Variants in STX6 observed in about 807,000 individuals in gnomAD.
STX6 encodes the protein syntaxin-6.
STX6 carries 23 observed loss-of-function variants against 38.0 expected under a neutral mutation model. The observed-to-expected ratio is 0.60, with a 90% CI of 0.43 to 0.86. STX6 has a LOEUF of 0.86. Among genes scored for constraint, STX6 ranks in the 40% least tolerant of loss-of-function variants. The pLI, the probability that STX6 is intolerant of heterozygous loss-of-function variation, is 0.00. For synonymous variants in STX6, 123 were observed against 107.5 expected, an observed-to-expected ratio of 1.14 and a Z score of -0.89; for missense variants, 274 against 312.9, an observed-to-expected ratio of 0.88 and a Z score of 0.94.
rs1052084479 is a variant in STX6, at chr1:180,972,832, G to C, written c.*3738C>G. 1 of 213,830 alleles carries C rather than the reference G, an allele frequency of 4.7e-6. No homozygotes were observed. Among genetic ancestry groups the C allele is most frequent in the East Asian group, 1.4e-4 (1 of 7,386 alleles). 13.2% of individuals were successfully genotyped at this position (213,830 alleles called of 1,614,324 possible). ...TTACTCTGATCGGAGCTACTGAAAG[G>C]TACCTGCTTTCAGCAAATTCTGGTT... On this transcript the variant is annotated 3_prime_UTR_variant, in exon 8 of 8. Transcript: ENST00000258301.
At chr1:181,005,593 CACAG>C in intron 1 of STX6, 130 bp from the exon 2 acceptor site, 1 of 808,360 alleles carries the variant, frequency 1.2e-6, no homozygotes, top group Non-Finnish European at 1.9e-6. Flanking sequence ...GAAGGCTCTT[CACAG>C]ACAAATATCA....
At chr1:180,984,070 A>AC (rs1348352394) in intron 7 of STX6, among the ~76,000 whole-genome samples, 7 of 146,686 alleles carry the variant, frequency 4.8e-5, no homozygotes, top group African/African-American at 1.5e-4. Context: ...TCTCAAAAAA[A>AC]AAAAAAAAAA....
rs1250539394 is a variant in STX6, at chr1:180,974,642, G to A, written c.*1928C>T. On this transcript the variant is annotated 3_prime_UTR_variant, in exon 8 of 8. Transcript: ENST00000258301. Reference sequence around the variant, plus strand: ...CTTATAATGTGTTGTGTGGATTACAGTACTTAGACAAGGTTCACATTTACT... The same window carrying A: ...CTTATAATGTGTTGTGTGGATTACAATACTTAGACAAGGTTCACATTTACT... 1.3e-5 allele frequency: 2 copies of A among 152,596 alleles called. No homozygotes were observed. The highest frequency in any genetic ancestry group is 1.9e-4 in the East Asian group (1 of 5,194). The allele number at this position is 152,596 out of a possible 1,614,324, so 9.5% of individuals were successfully genotyped here.
In STX6 at chr1:180,973,225, T is replaced by C. The variant is rs2102294545; in HGVS notation, c.*3345A>G. ...CAATTTTGTTTTGTTTACAAATTCA[T>C]CTTGCAGTACAAGGTGAAGCCAAAT... On this transcript the variant is annotated 3_prime_UTR_variant, in exon 8 of 8. Coordinates refer to ENST00000258301, the MANE Select transcript of STX6 (RefSeq NM_005819.6). The C allele has an allele frequency of 6.6e-6, 1 of 152,382 alleles. No homozygotes were observed. 9.4% of individuals were successfully genotyped at this position (152,382 alleles called of 1,614,324 possible).
At chr1:181,011,253 C>T (rs1188552768) in intron 1 of STX6, among the ~76,000 whole-genome samples, 1 of 152,202 alleles carries the variant, frequency 6.6e-6, no homozygotes. Flanking sequence ...AAGGTGGAAA[C>T]TGCCAGCAAT....
At chr1:180,981,613 C>G (rs1245594780) in intron 7 of STX6, among the ~76,000 whole-genome samples, 1 of 152,176 alleles carries the variant, frequency 6.6e-6, no homozygotes, top group Non-Finnish European at 1.5e-5. Flanking sequence ...ATCACCTTCT[C>G]TTCCACAACT....
chr1:181,016,804 A>C (rs532161216), intron 1 of STX6, among the ~76,000 whole-genome samples: 43 of 152,344 alleles, frequency 2.8e-4, no homozygotes, highest in African/African-American at 1.0e-3. Context: ...AACTGTTATC[A>C]TGCTGGGTGC....
At chr1:181,008,694 G>A (rs889970442) in intron 1 of STX6, among the ~76,000 whole-genome samples, 1 of 144,710 alleles carries the variant, frequency 6.9e-6, no homozygotes, top group Non-Finnish European at 1.5e-5. Context: ...AAATCTGTAA[G>A]AGCATAGTAG....
At chr1:180,986,311 A>C (rs751201914) in intron 6 of STX6, among the ~76,000 whole-genome samples, 2 of 108,526 alleles carry the variant, frequency 1.8e-5, no homozygotes, top group African/African-American at 6.1e-5. Flanking sequence ...TGTTGTATTT[A>C]GTTTAATATA....
In STX6 at chr1:180,990,053, A is replaced by G. The variant is rs36085787; in HGVS notation, c.420T>C (p.Tyr140=). Residue 140 remains tyrosine, a synonymous_variant, in exon 5 of 8, where the codon TAT becomes TAC. Transcript: ENST00000258301. The part of the protein sequence containing the change: ...QNWSTGTTDK[Y]GRLDRELQRA... ...TCTGGAGCTCTCGGTCCAGACGCCC[A>G]TATTTATCTGTTGTTCCAGTGCTCC... 7.0e-4 allele frequency: 1,123 copies of G among 1,614,094 alleles called. 13 individuals carry two copies. The African/African-American group carries it at 0.013, about 19-fold the overall frequency.
rs549153669 is a variant in STX6, at chr1:180,985,617, A to T, written c.597-846T>A. Reference sequence around the variant, plus strand: ...AGAAACCAGTATTTCCCACTAGGAAAACTGACTCCAGCAGGCTTACACTAT... The same window carrying T: ...AGAAACCAGTATTTCCCACTAGGAATACTGACTCCAGCAGGCTTACACTAT... On this transcript the variant is annotated intron_variant, in intron 6 of 7. Transcript: ENST00000258301. Among the ~76,000 whole-genome samples, 10 of 152,364 alleles carry T rather than the reference A, an allele frequency of 6.6e-5. No homozygotes were observed. In the South Asian group the frequency reaches 1.9e-3, roughly 28 times the overall value.
intron 3 of STX6, among the ~76,000 whole-genome samples, chr1:180,998,869 C>G (rs1655991898): frequency 6.6e-6 from 1 of 152,212 alleles, no homozygotes; most frequent in Non-Finnish European, 1.5e-5. Context: ...TTAGAACCAG[C>G]AGTCAAGCAA....
chr1:180,983,820 T>C (rs914030027), intron 7 of STX6, among the ~76,000 whole-genome samples: 1 of 151,978 alleles, frequency 6.6e-6, no homozygotes, highest in African/African-American at 2.4e-5. Flanking sequence ...ATCCCAGCAC[T>C]TTGGGAGGCC....
Position 181,002,592 on chromosome 1 carries a change from A to T in STX6, c.300+14T>A. ...TTTCTTATACAGATAACACAATAAGATCATATTCCTTACCCTGACAACTTG... is the reference window on the plus strand; with the variant it reads ...TTTCTTATACAGATAACACAATAAGTTCATATTCCTTACCCTGACAACTTG... On this transcript the variant is annotated intron_variant, in intron 3 of 7. Transcript: ENST00000258301. 1 of 1,580,176 alleles carries T rather than the reference A, an allele frequency of 6.3e-7. No individual in the cohort carries two copies. Among genetic ancestry groups the T allele is most frequent in the Non-Finnish European group, 8.7e-7 (1 of 1,149,802 alleles).
intron 1 of STX6, among the ~76,000 whole-genome samples, chr1:181,013,211 A>G (rs960805329): frequency 3.3e-5 from 5 of 152,172 alleles, no homozygotes; most frequent in African/African-American, 1.2e-4. Flanking sequence ...AAGTTTGCCA[A>G]GTAAAATGAG....
In STX6 at chr1:181,021,766, C is replaced by G. The variant is rs1225496606; in HGVS notation, c.35+873G>C. Reference sequence around the variant, plus strand: ...AAGACTCTATCTCCAAAGAAACAATCGAGCAATCAAAGATGAGCTAGGATA... The same window carrying G: ...AAGACTCTATCTCCAAAGAAACAATGGAGCAATCAAAGATGAGCTAGGATA... On this transcript the variant is annotated intron_variant, in intron 1 of 7. Coordinates refer to ENST00000258301, the MANE Select transcript of STX6 (RefSeq NM_005819.6). Among the ~76,000 whole-genome samples, 3 of 152,294 alleles carry G rather than the reference C, an allele frequency of 2.0e-5. No individual in the cohort carries two copies. In the East Asian group the frequency reaches 5.8e-4, roughly 29 times the overall value.
At chr1:180,994,851 AATG>A (rs1655856536) in intron 3 of STX6, among the ~76,000 whole-genome samples, 1 of 152,232 alleles carries the variant, frequency 6.6e-6, no homozygotes, top group Non-Finnish European at 1.5e-5. Flanking sequence ...AAATGTTTAA[AATG>A]ATGGATATTC....
chr1:181,002,603 T>C lies in STX6; in HGVS notation c.300+3A>G. On this transcript the variant is annotated splice_donor_region_variant and intron_variant, in intron 3 of 7. Coordinates refer to ENST00000258301, the MANE Select transcript of STX6 (RefSeq NM_005819.6). Reference sequence around the variant, plus strand: ...GATAACACAATAAGATCATATTCCTTACCCTGACAACTTGCCGAGTACTTG... The same window carrying C: ...GATAACACAATAAGATCATATTCCTCACCCTGACAACTTGCCGAGTACTTG... 4 of 1,602,618 alleles carry C rather than the reference T, an allele frequency of 2.5e-6. No homozygotes were observed. The highest frequency in any genetic ancestry group is 2.6e-6 in the Non-Finnish European group (3 of 1,169,756).
At chr1:181,011,870 A>C (rs1030559560) in intron 1 of STX6, among the ~76,000 whole-genome samples, 5 of 152,198 alleles carry the variant, frequency 3.3e-5, no homozygotes, top group African/African-American at 1.2e-4. Context: ...CACTTTGAGG[A>C]GCACTTCCCG....
Sources: allele counts gnomAD v4.1 joint callset (sites outside exome capture counted in the v4.1 genomes callset), GRCh38; gene constraint gnomAD v4.1.1; transcripts MANE v1.5; gene names NCBI Gene and HGNC (gene_info 2026-07-23, HGNC 2026-07-21).